The following MTCH1 variants were observed in gnomAD, a reference collection of about 807,000 sequenced individuals.
MTCH1 encodes the protein mitochondrial carrier homolog 1.
MTCH1 carries 23 observed loss-of-function variants against 49.3 expected under a neutral mutation model. The observed-to-expected ratio is 0.47, with a 90% CI of 0.34 to 0.66. The LOEUF (loss-of-function observed/expected upper bound fraction) is 0.66, where lower values mean the gene tolerates loss of function less well. Ranked by LOEUF, MTCH1 falls within the 30% of genes least tolerant of loss-of-function variation. The pLI, the probability that MTCH1 is intolerant of heterozygous loss-of-function variation, is 0.01. For missense variants in MTCH1, 397 were observed against 532.1 expected (o/e 0.75, Z 2.50); for synonymous variants, 229 against 215.2 (o/e 1.06, Z -0.56).
At chr6:36,983,391 T>A (rs546211661) in intron 1 of MTCH1, among the ~76,000 whole-genome samples, 13 of 152,208 alleles carry the variant, frequency 8.5e-5, no homozygotes, top group Non-Finnish European at 1.8e-4. Context: ...GCTGTCCTTA[T>A]CCAGTTTAGT....
chr6:36,977,542 G>A lies in MTCH1; in HGVS notation c.649+92C>T. On this transcript the variant is annotated intron_variant, in intron 5 of 11. Coordinates refer to ENST00000373627, the MANE Select transcript of MTCH1 (RefSeq NM_001271641.2). The surrounding 1 kb of genome is among the most constrained non-coding windows in gnomAD (Gnocchi z 5.4). ...ACTACCACTTCCCAACAGGTCTACG[G>A]CTGTCTATGTACAGTCCACGAGGGG... is the stretch of plus-strand genomic sequence containing the variant. The A allele has an allele frequency of 1.2e-6, 1 of 865,570 alleles. No individual in the cohort carries two copies. The highest frequency in any genetic ancestry group is 1.9e-6 in the Non-Finnish European group (1 of 540,446). The allele number at this position is 865,570 out of a possible 1,614,324, so 53.6% of individuals were successfully genotyped here. A position where few individuals can be genotyped will look rare whatever the true frequency, so the allele number is the denominator to read the frequency against.
At chr6:36,983,648 G>A (rs1380420238) in intron 1 of MTCH1, among the ~76,000 whole-genome samples, 2 of 152,072 alleles carry the variant, frequency 1.3e-5, no homozygotes, top group Non-Finnish European at 2.9e-5. Flanking sequence ...CAAATGCTGT[G>A]GCCCTATATC....
Position 36,977,792 on chromosome 6 carries a change from A to T in MTCH1, c.592-101T>A. On this transcript the variant is annotated intron_variant, in intron 4 of 11. Coordinates refer to ENST00000373627, the MANE Select transcript of MTCH1 (RefSeq NM_001271641.2). The surrounding 1 kb of genome is among the most constrained non-coding windows in gnomAD (Gnocchi z 5.4). The stretch of plus-strand genomic sequence containing the variant: ...TGCTCAGGAGGGAGAAACCTGTCCC[A>T]GGGACTGCACATGGGGTCGGTCTGC... 1 of 1,091,372 alleles carries T rather than the reference A, an allele frequency of 9.2e-7. No homozygotes were observed. The highest frequency in any genetic ancestry group is 1.3e-6 in the Non-Finnish European group (1 of 744,916). 67.6% of individuals were successfully genotyped at this position (1,091,372 alleles called of 1,614,324 possible). A position where few individuals can be genotyped will look rare whatever the true frequency, so the allele number is the denominator to read the frequency against.
In MTCH1 at chr6:36,968,890, T is replaced by C. The variant is rs778311595; in HGVS notation, c.*13A>G. 1.9e-6 allele frequency: 3 copies of C among 1,613,808 alleles called. No individual in the cohort carries two copies. The highest frequency in any genetic ancestry group is 1.3e-5 in the African/African-American group (1 of 74,898). ...GTGGCCAGGTTGAGACCGTGTTTTT[T>C]AGATGATTCAGGTTACTCCAGGGCA... On this transcript the variant is annotated 3_prime_UTR_variant, in exon 12 of 12. Coordinates refer to ENST00000373627, the MANE Select transcript of MTCH1 (RefSeq NM_001271641.2).
chr6:36,981,759 GCTTAACT>G, intron 1 of MTCH1, 87 bp from the exon 2 acceptor site: 1 of 1,094,312 alleles, frequency 9.1e-7, no homozygotes, highest in Non-Finnish European at 1.3e-6. Context: ...TGCCCCCTTT[GCTTAACT>G]CTTCTCCCAC....
In MTCH1 at chr6:36,982,616, C is replaced by T. The variant is rs898077145; in HGVS notation, c.322-944G>A. Among the ~76,000 whole-genome samples the T allele has an allele frequency of 3.9e-5, 6 of 152,106 alleles. No homozygotes were observed. The highest frequency in any genetic ancestry group is 1.2e-4 in the African/African-American group (5 of 41,414). On this transcript the variant is annotated intron_variant, in intron 1 of 11. Coordinates refer to ENST00000373627, the MANE Select transcript of MTCH1 (RefSeq NM_001271641.2). The surrounding 1 kb of genome is among the most constrained non-coding windows in gnomAD (Gnocchi z 4.1). ...GTTGGTCAGGCTGGTCTCGAACTCC[C>T]GACCTCAGGTGATCCACCCGCCTCG...
rs371212581 is a variant in MTCH1, at chr6:36,977,641, G to C, written c.642C>G (p.Pro214=). 90 of 1,608,932 alleles carry C rather than the reference G, an allele frequency of 5.6e-5. No homozygotes were observed. Among genetic ancestry groups the C allele is most frequent in the South Asian group, 1.7e-4 (15 of 90,112 alleles). ...GGAAGGGGGGTGGCTTACCATGCAG[G>C]GGGTGGGCCAACATGCGGGACACAC... is the stretch of plus-strand genomic sequence containing the variant. ...MQCVSRMLAH[P]LHVISMRCMV... The change falls in exon 5 of 12, where the codon CCC becomes CCG. Residue 214 remains proline, a synonymous_variant. Transcript: ENST00000373627. The surrounding 1 kb of genome is among the most constrained non-coding windows in gnomAD (Gnocchi z 5.4).
At chr6:36,974,131 CAT>C (rs1433285747) in intron 7 of MTCH1, among the ~76,000 whole-genome samples, 2 of 152,120 alleles carry the variant, frequency 1.3e-5, no homozygotes, top group South Asian at 2.1e-4. Flanking sequence ...CTTACACATA[CAT>C]ATATGTGTGT....
chr6:36,986,229 G>T (rs1764315894), upstream of MTCH1: 14 of 1,360,150 alleles, frequency 1.0e-5, no homozygotes, highest in African/African-American at 1.6e-5. Flanking sequence ...CCCCCTCACC[G>T]GCGTCAGGGG....
chr6:36,969,883 A>G, intron 11 of MTCH1, 156 bp downstream of exon 11: 1 of 1,545,536 alleles, frequency 6.5e-7, no homozygotes, highest in Non-Finnish European at 8.7e-7. Flanking sequence ...TGTAAGATGA[A>G]AACTTAAATG....
chr6:36,975,519 G>T, intron 7 of MTCH1, 139 bp downstream of exon 7: 1 of 770,912 alleles, frequency 1.3e-6, no homozygotes, highest in Non-Finnish European at 2.2e-6. Flanking sequence ...GAGCTCTGGA[G>T]AGCTGGCTGC....
At position 36,970,021 on chromosome 6, in the gene MTCH1, C is replaced by A. The variant is rs76726624; in HGVS notation, c.1098+18G>T. On this transcript the variant is annotated intron_variant, in intron 11 of 11. Transcript: ENST00000373627. ...AGCAAAGAACAGGAAAGGCCTCCGC[C>A]GTCCAGTGCTTGCTCACCTGCACAC... 6.2e-7 allele frequency: 1 copy of A among 1,613,772 alleles called. No homozygotes were observed. Among genetic ancestry groups the A allele is most frequent in the South Asian group, 1.1e-5 (1 of 91,012 alleles).
At chr6:36,976,829 C>T (rs1277739989) in intron 6 of MTCH1, among the ~76,000 whole-genome samples, 1 of 152,208 alleles carries the variant, frequency 6.6e-6, no homozygotes, top group Non-Finnish European at 1.5e-5. Context: ...AAAGAGCTAT[C>T]AGCCTATGAG....
chr6:36,975,792 A>G, intron 6 of MTCH1, 75 bp from the exon 7 acceptor site: 3 of 1,383,206 alleles, frequency 2.2e-6, no homozygotes, highest in Non-Finnish European at 3.1e-6. Context: ...TGTGGGGCTG[A>G]GCCCACCAGT....
rs11280615 is a variant in MTCH1 at position 36,984,206 on chromosome 6, G to GTCCCGCCAGT, written c.321+1646_321+1647insACTGGCGGGA. 2.0e-5 allele frequency among the ~76,000 whole-genome samples: 3 copies of GTCCCGCCAGT among 151,538 alleles called. No homozygotes were observed. The East Asian group carries it at 5.8e-4, about 29-fold the overall frequency. On this transcript the variant is annotated intron_variant, in intron 1 of 11. Coordinates refer to ENST00000373627, the MANE Select transcript of MTCH1 (RefSeq NM_001271641.2). ...AGTTTCCAGAACCCTCACTTCTCAG[G>GTCCCGCCAGT]TCCAAAGCACCAATTTATCTCCCAA...
chr6:36,976,559 T>C (rs778465422), intron 6 of MTCH1: 3 of 471,080 alleles, frequency 6.4e-6, no homozygotes, highest in South Asian at 4.6e-5. Flanking sequence ...TGAGGCACCA[T>C]GGCAGCTGAG....
chr6:36,983,696 C>T (rs115042529), intron 1 of MTCH1, among the ~76,000 whole-genome samples: 1,950 of 152,220 alleles, frequency 0.013, 53 homozygotes, highest in South Asian at 0.08. Flanking sequence ...TTAAAATCTC[C>T]GACTCCCAAA....
At chr6:36,969,194 G>C (rs1763584722) in intron 11 of MTCH1, 1 of 985,260 alleles carries the variant, frequency 1.0e-6, no homozygotes, top group Admixed American at 6.1e-5. Context: ...GGGCTACTCT[G>C]TAGGAGAGCC....
chr6:36,970,272 A>G (rs571555262), intron 10 of MTCH1, 134 bp downstream of exon 10: 1 of 1,446,190 alleles, frequency 6.9e-7, no homozygotes, highest in East Asian at 2.3e-5. Context: ...TCCCAGCGGA[A>G]GCCAGGGTGC....
Sources: gnomAD v4.1 joint callset for allele counts (sites outside exome capture counted in the v4.1 genomes callset) on GRCh38, gnomAD v4.1.1 for gene constraint, Gnocchi (gnomAD v3.1) non-coding constraint, MANE v1.5 for transcripts, NCBI Gene and HGNC (gene_info 2026-07-23, HGNC 2026-07-21) for gene names.